Variants in ANKRD44 observed in about 807,000 individuals in gnomAD.
ANKRD44 encodes ankyrin repeat domain 44.
ANKRD44 carries 35 observed loss-of-function variants against 116.0 expected under a neutral mutation model. The observed-to-expected ratio is 0.30, with a 90% CI of 0.23 to 0.40. The LOEUF (loss-of-function observed/expected upper bound fraction) is 0.40. Among genes scored for constraint, ANKRD44 ranks in the 10% least tolerant of loss-of-function variants. ANKRD44 has a pLI of 1.00. For synonymous variants in ANKRD44, 435 were observed against 461.8 expected (o/e 0.94, Z 0.74); for missense variants, 1,014 against 1,242.6 (o/e 0.82, Z 2.77).
chr2:197,031,122 GA>G (rs1411234081), intron 16 of ANKRD44, among the ~76,000 whole-genome samples: 3 of 151,306 alleles, frequency 2.0e-5, no homozygotes, highest in Non-Finnish European at 4.4e-5. Context: ...TTGTCAAGCG[GA>G]AAACACATTT....
At chr2:197,145,849 G>A (rs1394570410) in intron 3 of ANKRD44, among the ~76,000 whole-genome samples, 11 of 152,248 alleles carry the variant, frequency 7.2e-5, no homozygotes, top group South Asian at 4.2e-4. Context: ...AAACAAAGGC[G>A]AAAACTTACT....
chr2:197,003,961 G>T (rs771176561), intron 21 of ANKRD44, among the ~76,000 whole-genome samples: 1 of 151,914 alleles, frequency 6.6e-6, no homozygotes, highest in Non-Finnish European at 1.5e-5. Flanking sequence ...ACAGTAAGAG[G>T]TCTTAAATTG....
Position 197,083,462 on chromosome 2 carries a change from T to A in ANKRD44, c.1364A>T (p.Glu455Val). 1 of 1,613,966 alleles carries A rather than the reference T, an allele frequency of 6.2e-7. No homozygotes were observed. Among genetic ancestry groups the A allele is most frequent in the East Asian group, 2.2e-5 (1 of 44,872 alleles). Reference sequence around the variant, plus strand: ...GTTGGCCCCTGTGGTCACTAATGTCTCAATACAGTGGAAATGACAATTCGC... The same window carrying A: ...GTTGGCCCCTGTGGTCACTAATGTCACAATACAGTGGAAATGACAATTCGC... ...AAANCHFHCIETLVTTGANVN... is the reference protein window; with the variant it reads ...AAANCHFHCIVTLVTTGANVN... The change falls in exon 14 of 28, where the codon GAG (glutamate) becomes GTG (valine). Residue 455 changes from glutamate (E) to valine (V), a missense_variant. Glu to Val is a moderately radical substitution (Grantham distance 121). Coordinates refer to ENST00000282272, the MANE Select transcript of ANKRD44 (RefSeq NM_001195144.2).
intron 1 of ANKRD44, among the ~76,000 whole-genome samples, chr2:197,274,819 A>G (rs937509707): frequency 5.9e-5 from 9 of 152,158 alleles, no homozygotes; most frequent in African/African-American, 1.4e-4. Flanking sequence ...TCAGTCTGGC[A>G]TGGTGGCTTA....
chr2:197,129,140 CT>C (rs761063333), intron 4 of ANKRD44, among the ~76,000 whole-genome samples: 347 of 141,894 alleles, frequency 2.4e-3, no homozygotes, highest in Non-Finnish European at 2.3e-3. Context: ...GTTTCTTTTT[CT>C]TTTTTTTTTT....
At chr2:197,082,492 A>C (rs2077820857) in intron 14 of ANKRD44, among the ~76,000 whole-genome samples, 1 of 152,216 alleles carries the variant, frequency 6.6e-6, no homozygotes, top group Admixed American at 6.5e-5. Context: ...AGAATGCATC[A>C]CACATGGTAA....
intron 16 of ANKRD44, among the ~76,000 whole-genome samples, chr2:197,074,679 A>G (rs1269915362): frequency 3.3e-5 from 5 of 152,090 alleles, no homozygotes; most frequent in East Asian, 1.9e-4. Flanking sequence ...AGGTCTTGCT[A>G]TGTTGCCCAG....
chr2:197,246,663 T>G (rs376333259), intron 1 of ANKRD44, among the ~76,000 whole-genome samples: 75 of 152,168 alleles, frequency 4.9e-4, no homozygotes, highest in African/African-American at 1.7e-3. Context: ...GCTGCTAGAT[T>G]TATCTTCCTG....
chr2:197,256,423 G>A (rs545242579), intron 1 of ANKRD44, among the ~76,000 whole-genome samples: 7 of 152,190 alleles, frequency 4.6e-5, no homozygotes, highest in East Asian at 1.9e-4. Context: ...ATATACCAAC[G>A]GCTTTATAAA....
At chr2:197,003,598 A>G (rs1305621632) in intron 21 of ANKRD44, among the ~76,000 whole-genome samples, 1 of 152,168 alleles carries the variant, frequency 6.6e-6, no homozygotes, top group African/African-American at 2.4e-5. Flanking sequence ...CAAAGGCTGC[A>G]CTGAAAGGGT....
chr2:197,262,704 G>C (rs115292407), intron 1 of ANKRD44, among the ~76,000 whole-genome samples: 1 of 152,096 alleles, frequency 6.6e-6, no homozygotes, highest in Non-Finnish European at 1.5e-5. Context: ...AGGAGTTCAA[G>C]ACTAATCTGC....
At chr2:197,189,913 C>T (rs979697135) in intron 1 of ANKRD44, among the ~76,000 whole-genome samples, 4 of 152,166 alleles carry the variant, frequency 2.6e-5, no homozygotes, top group South Asian at 4.1e-4. Flanking sequence ...GCATTCACTC[C>T]GTCCTCACAC....
intron 2 of ANKRD44, among the ~76,000 whole-genome samples, chr2:197,169,834 T>C (rs2080184025): frequency 6.6e-6 from 1 of 152,058 alleles, no homozygotes; most frequent in African/African-American, 2.4e-5. Context: ...TAGAGCAGTA[T>C]GTCTCGAGGT....
chr2:196,986,587 T>G (rs1394707738), downstream of ANKRD44: 1 of 486,796 alleles, frequency 2.1e-6, no homozygotes, highest in Admixed American at 6.4e-5. Context: ...TAAAGTTAAT[T>G]TGGCTTGAGG....
chr2:197,310,660 C>G lies in ANKRD44; in HGVS notation c.-56G>C. ...AGGTCCCCGGCCCGCAGATGTCACG[C>G]CGGGAGCCGGGGAAGCGGAAGGGAT... is the stretch of plus-strand genomic sequence containing the variant. On this transcript the variant is annotated 5_prime_UTR_variant, in exon 1 of 28. Coordinates refer to ENST00000282272, the MANE Select transcript of ANKRD44 (RefSeq NM_001195144.2). The G allele has an allele frequency of 3.0e-6, 4 of 1,320,242 alleles. No individual in the cohort carries two copies. The South Asian group carries it at 5.9e-5, about 20-fold the overall frequency. The allele number at this position is 1,320,242 out of a possible 1,614,324, so 81.8% of individuals were successfully genotyped here.
At chr2:197,029,503 A>G in intron 16 of ANKRD44, 1 of 472,766 alleles carries the variant, frequency 2.1e-6, no homozygotes, top group Non-Finnish European at 4.2e-6. Flanking sequence ...CTAGTGCCAT[A>G]TAATTCATCT....
intron 2 of ANKRD44, among the ~76,000 whole-genome samples, chr2:197,167,481 T>G (rs1358543275): frequency 1.3e-5 from 2 of 152,190 alleles, no homozygotes; most frequent in Admixed American, 1.3e-4. Context: ...ACCATCTATC[T>G]TAGATGGGTA....
At chr2:197,112,707 CAA>C (rs1178148585) in intron 8 of ANKRD44, among the ~76,000 whole-genome samples, 10 of 80,042 alleles carry the variant, frequency 1.2e-4, no homozygotes, top group Non-Finnish European at 2.0e-4. Flanking sequence ...GACTCCGTCT[CAA>C]AAAAAAAAAA....
At chr2:197,000,865 C>G (rs1189941012) in intron 22 of ANKRD44, among the ~76,000 whole-genome samples, 1 of 152,108 alleles carries the variant, frequency 6.6e-6, no homozygotes, top group Non-Finnish European at 1.5e-5. Context: ...TGGTGAAACC[C>G]AGTCCCTACT....
Sources: gnomAD v4.1 joint callset for allele counts (sites outside exome capture counted in the v4.1 genomes callset) on GRCh38, gnomAD v4.1.1 for gene constraint, MANE v1.5 for transcripts, NCBI Gene and HGNC (gene_info 2026-07-23, HGNC 2026-07-21) for gene names.